The following MYEF2 variants were observed in gnomAD, a reference collection of about 807,000 sequenced individuals.
MYEF2 encodes the protein myelin expression factor 2.
In MYEF2, 37 loss-of-function variants were observed where a neutral mutation model predicts 75.2. That is an observed-to-expected ratio of 0.49 (90% CI 0.38 to 0.65). The LOEUF (loss-of-function observed/expected upper bound fraction) is 0.65, where lower values mean the gene tolerates loss of function less well. Ranked by LOEUF, MYEF2 falls within the 30% of genes least tolerant of loss-of-function variation. The pLI, the probability that MYEF2 is intolerant of heterozygous loss-of-function variation, is 0.00. For synonymous variants in MYEF2, 195 were observed against 241.6 expected, an observed-to-expected ratio of 0.81 and a Z score of 1.79; for missense variants, 634 against 771.4, an observed-to-expected ratio of 0.82 and a Z score of 2.11.
intron 7 of MYEF2, 105 bp downstream of exon 7, chr15:48,158,664 A>T (rs776008315): frequency 2.2e-6 from 3 of 1,346,082 alleles, no homozygotes; most frequent in Non-Finnish European, 3.1e-6. Context: ...TCTAACACAC[A>T]TCTCTAAGCC....
At chr15:48,143,161 T>TTA in intron 16 of MYEF2, 90 bp from the exon 17 acceptor site, 1 of 744,864 alleles carries the variant, frequency 1.3e-6, no homozygotes, top group Non-Finnish European at 1.9e-6. Context: ...CCAATTGTGA[T>TTA]AATTAATTTG....
At chr15:48,145,895 T>C (rs563333431) in intron 16 of MYEF2, among the ~76,000 whole-genome samples, 2 of 152,072 alleles carry the variant, frequency 1.3e-5, no homozygotes, top group South Asian at 4.1e-4. Context: ...AATTTTACTG[T>C]TAAGTTATTC....
chr15:48,177,603 T>C (rs970363913), intron 1 of MYEF2, among the ~76,000 whole-genome samples: 5 of 151,760 alleles, frequency 3.3e-5, no homozygotes, highest in African/African-American at 1.2e-4. Context: ...ACACTAAACT[T>C]GTGAAGCTCA....
intron 3 of MYEF2, 86 bp downstream of exon 3, chr15:48,167,263 T>C: frequency 7.3e-7 from 1 of 1,367,414 alleles, no homozygotes; most frequent in Non-Finnish European, 1.0e-6. Context: ...AACTTAAGTT[T>C]CCAAAAACTG....
chr15:48,175,850 T>C (rs2040499319), intron 1 of MYEF2, among the ~76,000 whole-genome samples: 1 of 152,140 alleles, frequency 6.6e-6, no homozygotes, highest in Admixed American at 6.5e-5. Context: ...AGAAGAAGAC[T>C]ACAGTTGGAA....
Position 48,135,059 on chromosome 15 carries a change from G to A in MYEF2, c.*7849C>T. 1 of 1,188,404 alleles carries A rather than the reference G, an allele frequency of 8.4e-7. No homozygotes were observed. Among genetic ancestry groups the A allele is most frequent in the Non-Finnish European group, 1.2e-6 (1 of 812,500 alleles). 73.6% of individuals were successfully genotyped at this position (1,188,404 alleles called of 1,614,324 possible). A position where few individuals can be genotyped will look rare whatever the true frequency, so the allele number is the denominator to read the frequency against. ...CTGATGGTTCAGTAATTTTTTTTCA[G>A]AAATGTTATTTCAGTCACTTAATCT... is the stretch of plus-strand genomic sequence containing the variant. On this transcript the variant is annotated 3_prime_UTR_variant, in exon 17 of 17. Transcript: ENST00000324324.
chr15:48,143,173 T>C, intron 16 of MYEF2, 102 bp from the exon 17 acceptor site: 7 of 611,164 alleles, frequency 1.1e-5, no homozygotes, highest in Non-Finnish European at 1.5e-5. Flanking sequence ...ATTAATTTGA[T>C]TAAAAACATT....
chr15:48,139,268 A>G lies in MYEF2; in HGVS notation c.*3640T>C. 9.6e-7 allele frequency: 1 copy of G among 1,039,756 alleles called. No homozygotes were observed. The highest frequency in any genetic ancestry group is 1.4e-6 in the Non-Finnish European group (1 of 702,584). 64.4% of individuals were successfully genotyped at this position (1,039,756 alleles called of 1,614,324 possible). The stretch of plus-strand genomic sequence containing the variant: ...TCAAAGTAGTCTAGCTACACAGCAA[A>G]TTTCTTTTCAGCAAGATTGAAGATT... On this transcript the variant is annotated 3_prime_UTR_variant, in exon 17 of 17. Coordinates refer to ENST00000324324, the MANE Select transcript of MYEF2 (RefSeq NM_016132.5).
chr15:48,166,227 A>G, intron 3 of MYEF2, 99 bp from the exon 4 acceptor site: 1 of 937,830 alleles, frequency 1.1e-6, no homozygotes, highest in East Asian at 2.5e-5. Flanking sequence ...TCATTAAGGC[A>G]ATTAATAATA....
At chr15:48,176,054 G>A (rs1310548294) in intron 1 of MYEF2, among the ~76,000 whole-genome samples, 2 of 151,960 alleles carry the variant, frequency 1.3e-5, no homozygotes, top group Non-Finnish European at 2.9e-5. Context: ...TTTCAATCCT[G>A]ATGACAAGCA....
chr15:48,163,060 G>A (rs1165703273), intron 5 of MYEF2, among the ~76,000 whole-genome samples: 1 of 152,160 alleles, frequency 6.6e-6, no homozygotes, highest in East Asian at 1.9e-4. Flanking sequence ...CAGGTGAAAA[G>A]CCGGGCCTCT....
intron 16 of MYEF2, among the ~76,000 whole-genome samples, chr15:48,148,420 T>C (rs2039371358): frequency 6.6e-6 from 1 of 151,958 alleles, no homozygotes; most frequent in Non-Finnish European, 1.5e-5. Context: ...CACATTAAGG[T>C]TGTATAAGTA....
Position 48,149,215 on chromosome 15 carries a change from C to T in MYEF2, c.1535G>A (p.Ser512Asn). The change falls in exon 15 of 17, where the codon AGC (serine) becomes AAC (asparagine). Residue 512 changes from serine to asparagine, a missense_variant. Coordinates refer to ENST00000324324, the MANE Select transcript of MYEF2 (RefSeq NM_016132.5). This position sits in a 1 kb window ranked among gnomAD's most constrained non-coding sequence, Gnocchi z 4.0. The part of the protein sequence containing the change: ...DRGFLSGPMG[S>N]GMRERIGSKG... ...GGAGCCTATTCTCTCTCTCATTCCG[C>T]TTCCCATTGGACCCGATAAAAATCC... 6.2e-7 allele frequency: 1 copy of T among 1,613,504 alleles called. No individual in the cohort carries two copies. Among genetic ancestry groups the T allele is most frequent in the Non-Finnish European group, 8.5e-7 (1 of 1,179,546 alleles).
chr15:48,165,821 C>A (rs970516875), intron 5 of MYEF2, 112 bp downstream of exon 5: 2 of 705,496 alleles, frequency 2.8e-6, no homozygotes, highest in Admixed American at 3.0e-5. Context: ...TTAATGAACA[C>A]CTATGTTTTA....
chr15:48,170,555 A>T (rs1242348691), intron 1 of MYEF2, among the ~76,000 whole-genome samples: 2 of 152,092 alleles, frequency 1.3e-5, no homozygotes, highest in Admixed American at 1.3e-4. Context: ...AGGAATCTAA[A>T]TTTTTTTTAA....
In MYEF2 at chr15:48,138,644, G is replaced by C. The variant is rs1409355806; in HGVS notation, c.*4264C>G. ...ACCAGGTTAATCCCTTAAGCAAAAA[G>C]TTACTGAAGACAATCCACAGGAGAT... On this transcript the variant is annotated 3_prime_UTR_variant, in exon 17 of 17. Coordinates refer to ENST00000324324, the MANE Select transcript of MYEF2 (RefSeq NM_016132.5). 1 of 204,520 alleles carries C rather than the reference G, an allele frequency of 4.9e-6. No individual in the cohort carries two copies. The highest frequency in any genetic ancestry group is 1.0e-5 in the Non-Finnish European group (1 of 99,952). 12.7% of individuals were successfully genotyped at this position (204,520 alleles called of 1,614,324 possible).
chr15:48,176,046 T>G lies in MYEF2; in HGVS notation c.161+2031A>C, dbSNP rs2040504556. On this transcript the variant is annotated intron_variant, in intron 1 of 16. Transcript: ENST00000324324. ...TGGATTAACCTCAGCAAATATTATT[T>G]CAATCCTGATGACAAGCAGTACTCT... Among the ~76,000 whole-genome samples the G allele has an allele frequency of 2.6e-5, 4 of 152,208 alleles. No individual in the cohort carries two copies. In the South Asian group the frequency reaches 8.3e-4, roughly 32 times the overall value.
intron 16 of MYEF2, among the ~76,000 whole-genome samples, chr15:48,143,963 C>G (rs544155566): frequency 5.3e-5 from 8 of 152,052 alleles, no homozygotes; most frequent in Admixed American, 4.6e-4. Context: ...TATCCCCAGG[C>G]AAACTGGAAT....
rs147385232 is a variant in MYEF2 at position 48,153,838 on chromosome 15, G to T, written c.1041C>A (p.Ala347=). The T allele has an allele frequency of 2.5e-6, 4 of 1,613,282 alleles. No homozygotes were observed. The African/African-American group carries it at 5.3e-5, about 22-fold the overall frequency. Residue 347 remains alanine, a synonymous_variant, in exon 10 of 17, where the codon GCC becomes GCA. Transcript: ENST00000324324. ...TTACTCCACCTATGTTCAACTGGCT[G>T]GCACTAATAGGCTGTCCACCCGGAC... The part of the protein sequence containing the change: ...GLGPGGQPIS[A]SQLNIGGVMG...
Sources: gnomAD v4.1 joint callset for allele counts (sites outside exome capture counted in the v4.1 genomes callset) on GRCh38, gnomAD v4.1.1 for gene constraint, Gnocchi (gnomAD v3.1) non-coding constraint, MANE v1.5 for transcripts, NCBI Gene and HGNC (gene_info 2026-07-23, HGNC 2026-07-21) for gene names.